The following TRAPPC2 variants were observed in gnomAD, a reference collection of about 807,000 sequenced individuals.
The protein encoded by TRAPPC2 is trafficking protein particle complex subunit 2, also known as sedlin.
Under a neutral mutation model 10.0 loss-of-function variants are expected in TRAPPC2, and 4 were observed. The observed-to-expected ratio is 0.40, with a 90% CI of 0.20 to 0.92. The LOEUF is 0.92. Among genes scored for constraint, TRAPPC2 ranks in the 40% least tolerant of loss-of-function variants. The pLI, the probability that TRAPPC2 is intolerant of heterozygous loss-of-function variation, is 0.35. For missense variants in TRAPPC2, 52 were observed against 108.7 expected, an observed-to-expected ratio of 0.48 and a Z score of 2.32; for synonymous variants, 36 against 37.3, an observed-to-expected ratio of 0.97 and a Z score of 0.12.
chrX:13,716,367 A>T, intron 4 of TRAPPC2, 167 bp downstream of exon 4: 2 of 636,834 alleles, frequency 3.1e-6, no homozygotes, highest in Non-Finnish European at 4.8e-6. Context: ...TATTAAACAA[A>T]ATGTTTTTCC....
rs914362640 is a variant in TRAPPC2 at position 13,719,762 on chromosome X, A to C, written c.93+109T>G. ...TCTATCAGTCTGTGGGCTCCTGAGC[A>C]AGCCTCATTTAATTGTGGTGGATTT... is the stretch of plus-strand genomic sequence containing the variant. On this transcript the variant is annotated intron_variant, in intron 3 of 5. Coordinates refer to ENST00000380579, the MANE Select transcript of TRAPPC2 (RefSeq NM_001011658.4). The C allele has an allele frequency of 1.1e-5, 7 of 612,553 alleles. No individual in the cohort carries two copies. In the African/African-American group the frequency reaches 1.6e-4, roughly 14 times the overall value. The allele number at this position is 612,553 out of a possible 1,213,427, so 50.5% of individuals were successfully genotyped here. A position where few individuals can be genotyped will look rare whatever the true frequency, so the allele number is the denominator to read the frequency against.
intron 2 of TRAPPC2, among the ~76,000 whole-genome samples, chrX:13,732,492 C>G (rs1208512034): frequency 8.9e-6 from 1 of 112,834 alleles, no homozygotes; most frequent in East Asian, 2.8e-4. Flanking sequence ...GGAACTGGCG[C>G]TGAGAAAGAT....
chrX:13,731,390 C>T (rs1297812693), intron 2 of TRAPPC2, among the ~76,000 whole-genome samples: 1 of 112,349 alleles, frequency 8.9e-6, no homozygotes, highest in East Asian at 2.8e-4. Flanking sequence ...ATGTGAATCC[C>T]TAGATAAAAA....
chrX:13,728,547 A>G (rs1204477420), intron 2 of TRAPPC2, among the ~76,000 whole-genome samples: 1 of 112,313 alleles, frequency 8.9e-6, no homozygotes, highest in African/African-American at 3.2e-5. Context: ...ACAAAATTCA[A>G]CAGCCCTTCA....
chrX:13,719,903 C>G lies in TRAPPC2; in HGVS notation c.61G>C (p.Glu21Gln). Residue 21 changes from glutamate to glutamine, a missense_variant, in exon 3 of 6, where the codon GAG becomes CAG. Coordinates refer to ENST00000380579, the MANE Select transcript of TRAPPC2 (RefSeq NM_001011658.4). ...GHHDNPVFEM[E>Q]FLPAGKAESK... ...TCTGCCTTCCCAGCTGGCAAAAACT[C>G]CATTTCAAAAACTGGATTATCATGG... The G allele has an allele frequency of 1.7e-6, 2 of 1,201,860 alleles. No individual in the cohort carries two copies. Among genetic ancestry groups the G allele is most frequent in the Non-Finnish European group, 1.1e-6 (1 of 890,725 alleles).
chrX:13,733,401 C>G (rs895796644), intron 2 of TRAPPC2, among the ~76,000 whole-genome samples: 5 of 111,388 alleles, frequency 4.5e-5, no homozygotes, highest in African/African-American at 1.3e-4. Flanking sequence ...GAGTTCAGAG[C>G]TACTATCATT....
intron 2 of TRAPPC2, among the ~76,000 whole-genome samples, chrX:13,722,567 A>G (rs778003941): frequency 1.8e-5 from 2 of 111,959 alleles, no homozygotes; most frequent in South Asian, 7.6e-4. Flanking sequence ...GGTGAAGTGG[A>G]AGAACTGAAA....
At chrX:13,722,812 C>T (rs1165825636) in intron 2 of TRAPPC2, among the ~76,000 whole-genome samples, 1 of 111,419 alleles carries the variant, frequency 9.0e-6, no homozygotes, top group Non-Finnish European at 1.9e-5. Context: ...GCCTGTAATC[C>T]CAGCACTTTG....
At chrX:13,730,635 C>G (rs1383700358) in intron 2 of TRAPPC2, among the ~76,000 whole-genome samples, 3 of 111,592 alleles carry the variant, frequency 2.7e-5, no homozygotes, top group African/African-American at 6.5e-5. Context: ...TATTGTGGCA[C>G]TATTCACAAT....
intron 2 of TRAPPC2, among the ~76,000 whole-genome samples, chrX:13,723,731 G>T (rs1353692951): frequency 3.6e-5 from 4 of 110,611 alleles, no homozygotes; most frequent in Non-Finnish European, 7.6e-5. Flanking sequence ...AGATTAAACT[G>T]GGAAATTGAG....
Position 13,712,955 on chromosome X carries a change from T to TATCTG in TRAPPC2, c.*1447_*1451dup, listed in dbSNP as rs2046234678. On this transcript the variant is annotated 3_prime_UTR_variant, in exon 6 of 6. Coordinates refer to ENST00000380579, the MANE Select transcript of TRAPPC2 (RefSeq NM_001011658.4). The stretch of plus-strand genomic sequence containing the variant: ...TTGGGTTGTTACATTAAGATCAACC[T>TATCTG]ATCTGGGCCGGGCACGGTGGCTCAC... 1 of 111,518 alleles carries TATCTG rather than the reference T, an allele frequency of 9.0e-6. No homozygotes were observed. Among genetic ancestry groups the TATCTG allele is most frequent in the Non-Finnish European group, 1.9e-5 (1 of 53,103 alleles). 9.2% of individuals were successfully genotyped at this position (111,518 alleles called of 1,213,427 possible). A position where few individuals can be genotyped will look rare whatever the true frequency, so the allele number is the denominator to read the frequency against.
At chrX:13,718,090 A>G (rs964502328) in intron 3 of TRAPPC2, among the ~76,000 whole-genome samples, 6 of 112,408 alleles carry the variant, frequency 5.3e-5, no homozygotes, top group Non-Finnish European at 1.1e-4. Flanking sequence ...GCATGGCCCC[A>G]CTGACACCTT....
At chrX:13,715,597 T>A (rs1436220079) in intron 5 of TRAPPC2, 3 of 123,003 alleles carry the variant, frequency 2.4e-5, no homozygotes, top group African/African-American at 6.4e-5. Context: ...CATATAAAAA[T>A]CACTTCCTGC....
At chrX:13,723,041 G>A (rs1317595206) in intron 2 of TRAPPC2, among the ~76,000 whole-genome samples, 1 of 101,920 alleles carries the variant, frequency 9.8e-6, no homozygotes, top group African/African-American at 3.7e-5. Context: ...CTTGCAGTGA[G>A]CCAAGATCGT....
At chrX:13,714,981 G>A (rs1023467157) in intron 5 of TRAPPC2, among the ~76,000 whole-genome samples, 5 of 112,030 alleles carry the variant, frequency 4.5e-5, no homozygotes, top group South Asian at 3.7e-4. Flanking sequence ...GTATCATAAC[G>A]CATGACAGAA....
intron 4 of TRAPPC2, 146 bp downstream of exon 4, chrX:13,716,388 A>G: frequency 1.3e-6 from 1 of 757,943 alleles, no homozygotes; most frequent in Non-Finnish European, 1.9e-6. Flanking sequence ...CCCCTAAAAA[A>G]AGAAAAGTAG....
intron 3 of TRAPPC2, 94 bp downstream of exon 3, chrX:13,719,777 G>T: frequency 1.5e-6 from 1 of 669,490 alleles, no homozygotes; most frequent in Non-Finnish European, 2.2e-6. Flanking sequence ...TCATTTAATT[G>T]TGGTGGATTT....
intron 2 of TRAPPC2, chrX:13,722,208 C>CAGAAAAAAAAAAAAAAAAAAA (rs1555898001): frequency 8.3e-5 from 3 of 36,116 alleles, no homozygotes; most frequent in Non-Finnish European, 1.5e-4. Flanking sequence ...TAAGCAGCAG[C>CAGAAAAAAAAAAAAAAAAAAA]AAAAAAAAAA....
intron 2 of TRAPPC2, among the ~76,000 whole-genome samples, chrX:13,725,826 G>A (rs1350447406): frequency 8.9e-6 from 1 of 111,964 alleles, no homozygotes; most frequent in African/African-American, 3.2e-5. Flanking sequence ...AAAGGAGCAT[G>A]TTTGAACCCA....
Sources: allele counts gnomAD v4.1 joint callset (sites outside exome capture counted in the v4.1 genomes callset), GRCh38; gene constraint gnomAD v4.1.1; transcripts MANE v1.5; gene names NCBI Gene and HGNC (gene_info 2026-07-23, HGNC 2026-07-21).